PCBP3: variants seen among roughly 807,000 people sequenced by gnomAD.
The protein encoded by PCBP3 is poly(rC)-binding protein 3.
PCBP3 carries 25 observed loss-of-function variants against 52.7 expected under a neutral mutation model. The observed-to-expected ratio is 0.47, with a 90% CI of 0.35 to 0.66. PCBP3 has a LOEUF of 0.66. Ranked by LOEUF, PCBP3 falls within the 30% of genes least tolerant of loss-of-function variation. PCBP3 has a pLI of 0.01. For missense variants in PCBP3, 391 were observed against 490.3 expected, an observed-to-expected ratio of 0.80 and a Z score of 1.91; for synonymous variants, 162 against 183.0, an observed-to-expected ratio of 0.89 and a Z score of 0.93.
intron 5 of PCBP3, among the ~76,000 whole-genome samples, chr21:45,850,784 G>A (rs1347465333): frequency 3.3e-5 from 5 of 152,248 alleles, no homozygotes; most frequent in Non-Finnish European, 7.3e-5. Flanking sequence ...GTGTACAGGT[G>A]AAGTCTGTCT....
At chr21:45,691,539 TAAAC>T (rs1254241332) in intron 2 of PCBP3, among the ~76,000 whole-genome samples, 1 of 150,740 alleles carries the variant, frequency 6.6e-6, no homozygotes, top group African/African-American at 2.4e-5. Context: ...GTACATAAAT[TAAAC>T]AGAGAGAGGG....
chr21:45,809,418 T>C (rs1003382472), intron 4 of PCBP3, among the ~76,000 whole-genome samples: 1 of 152,120 alleles, frequency 6.6e-6, no homozygotes, highest in Non-Finnish European at 1.5e-5. Context: ...AAAGGTGATG[T>C]AGGGCTGAGG....
At chr21:45,682,487 A>G (rs1028199882) in intron 2 of PCBP3, among the ~76,000 whole-genome samples, 1 of 152,222 alleles carries the variant, frequency 6.6e-6, no homozygotes. Context: ...AACTGAAGCA[A>G]GAAGACCTAT....
In PCBP3 at chr21:45,784,420, C is replaced by CCCTACCT. The variant is rs537648185; in HGVS notation, c.-126+29019_-126+29025dup. Among the ~76,000 whole-genome samples the CCCTACCT allele has an allele frequency of 4.5e-3, 558 of 125,220 alleles. 18 individuals are homozygous for CCCTACCT. The East Asian group carries it at 0.059, about 13-fold the overall frequency. The allele number at this position is 125,220 out of a possible 152,430, so 82.1% of individuals were successfully genotyped here. Reference sequence around the variant, plus strand: ...CCGCTACCTCTACCGCTACCGCTACCCCTACCTCCTACCTCCTACCTCCTA... The same window carrying CCCTACCT: ...CCGCTACCTCTACCGCTACCGCTACCCCTACCTCCTACCTCCTACCTCCTACCTCCTA... On this transcript the variant is annotated intron_variant, in intron 4 of 17. Coordinates refer to ENST00000681687, the MANE Select transcript of PCBP3 (RefSeq NM_001384156.1).
At chr21:45,851,051 G>A (rs1047255438) in intron 5 of PCBP3, among the ~76,000 whole-genome samples, 1 of 152,130 alleles carries the variant, frequency 6.6e-6, no homozygotes, top group African/African-American at 2.4e-5. Context: ...CTATAAACAC[G>A]TGTTAAGAAA....
At chr21:45,797,413 G>A (rs75220016) in intron 4 of PCBP3, among the ~76,000 whole-genome samples, 2 of 65,206 alleles carry the variant, frequency 3.1e-5, no homozygotes, top group Admixed American at 1.6e-4. Context: ...TGTAGAGAGA[G>A]TGAATGCGTG....
In PCBP3 at chr21:45,853,626, C is replaced by T. The variant is rs937521432; in HGVS notation, c.10+3531C>T. ...GTTCCTGTCATGGCTGAAGTGTTTGCATTTGATTTAGTTCTAGGAAGACCT... is the reference window on the plus strand; with the variant it reads ...GTTCCTGTCATGGCTGAAGTGTTTGTATTTGATTTAGTTCTAGGAAGACCT... On this transcript the variant is annotated intron_variant, in intron 5 of 17. Transcript: ENST00000681687. This position sits in a 1 kb window ranked among gnomAD's most constrained non-coding sequence, Gnocchi z 4.6. Among the ~76,000 whole-genome samples, 7 of 152,282 alleles carry T rather than the reference C, an allele frequency of 4.6e-5. No homozygotes were observed. Among genetic ancestry groups the T allele is most frequent in the African/African-American group, 1.7e-4 (7 of 41,570 alleles).
chr21:45,724,922 A>G lies in PCBP3; in HGVS notation c.-199-10470A>G, dbSNP rs1424540143. 6.6e-6 allele frequency among the ~76,000 whole-genome samples: 1 copy of G among 152,230 alleles called. No individual in the cohort carries two copies. Among genetic ancestry groups the G allele is most frequent in the Non-Finnish European group, 1.5e-5 (1 of 68,044 alleles). ...CTACAGTATTCCATGAACTTCCTCT[A>G]TAACTTAAATGATGAAAGTTACAGA... On this transcript the variant is annotated intron_variant, in intron 2 of 17. Coordinates refer to ENST00000681687, the MANE Select transcript of PCBP3 (RefSeq NM_001384156.1). The surrounding 1 kb of genome is among the most constrained non-coding windows in gnomAD (Gnocchi z 5.3).
At chr21:45,811,994 A>G (rs1380730515) in intron 4 of PCBP3, among the ~76,000 whole-genome samples, 1 of 151,610 alleles carries the variant, frequency 6.6e-6, no homozygotes, top group South Asian at 2.1e-4. Context: ...TTTCCTCTTT[A>G]TCTTTTAGCT....
chr21:45,896,752 A>G (rs35177139), intron 6 of PCBP3, among the ~76,000 whole-genome samples: 179 of 128,880 alleles, frequency 1.4e-3, no homozygotes, highest in Middle Eastern at 4.7e-3. Context: ...TAGGAAAGGC[A>G]GACATGGCAC....
chr21:45,794,763 A>G (rs2091829099), intron 4 of PCBP3, among the ~76,000 whole-genome samples: 1 of 152,090 alleles, frequency 6.6e-6, no homozygotes, highest in African/African-American at 2.4e-5. Flanking sequence ...CCCCATCTCT[A>G]CTAAAAATAC....
chr21:45,673,805 C>A (rs2081311098), intron 2 of PCBP3: 1 of 152,146 alleles, frequency 6.6e-6, no homozygotes, highest in Non-Finnish European at 1.5e-5. Context: ...GGTACCCAAA[C>A]CAGCCTTGGA....
intron 5 of PCBP3, chr21:45,893,679 C>A: frequency 2.3e-6 from 2 of 874,876 alleles, no homozygotes; most frequent in Non-Finnish European, 2.7e-6. Context: ...CTCCCTGTCC[C>A]ATTGCATGGG....
At chr21:45,705,663 G>A (rs1336251158) in intron 2 of PCBP3, among the ~76,000 whole-genome samples, 1 of 152,206 alleles carries the variant, frequency 6.6e-6, no homozygotes, top group East Asian at 1.9e-4. Flanking sequence ...TCAGGGATCC[G>A]TGGATGTTTT....
intron 3 of PCBP3, among the ~76,000 whole-genome samples, chr21:45,752,654 T>C (rs1725081150): frequency 6.6e-6 from 1 of 151,924 alleles, no homozygotes; most frequent in Admixed American, 6.6e-5. Context: ...ATTTTAAGTA[T>C]TTTAGTTTCT....
chr21:45,663,366 G>T lies in PCBP3; in HGVS notation c.-278-5508G>T, dbSNP rs141202321. On this transcript the variant is annotated intron_variant, in intron 1 of 17. Transcript: ENST00000681687. Reference sequence around the variant, plus strand: ...TGTCCGCGTCTTGGTGGTAGTGGTCGCCCGGGCCCAGCTGTTTTTTCTTTT... The same window carrying T: ...TGTCCGCGTCTTGGTGGTAGTGGTCTCCCGGGCCCAGCTGTTTTTTCTTTT... Among the ~76,000 whole-genome samples, 288 of 152,116 alleles carry T rather than the reference G, an allele frequency of 1.9e-3. 2 individuals carry two copies. The highest frequency in any genetic ancestry group is 6.6e-3 in the African/African-American group (274 of 41,508).
intron 5 of PCBP3, among the ~76,000 whole-genome samples, chr21:45,860,636 A>G (rs1245138956): frequency 6.6e-6 from 1 of 152,226 alleles, no homozygotes; most frequent in Non-Finnish European, 1.5e-5. Context: ...AGCCCACCTG[A>G]AAGAGCCTCT....
chr21:45,685,228 T>C lies in PCBP3; in HGVS notation c.-200+16276T>C, dbSNP rs532441912. Among the ~76,000 whole-genome samples the C allele has an allele frequency of 5.3e-5, 8 of 152,036 alleles. No individual in the cohort carries two copies. In the East Asian group the frequency reaches 1.2e-3, roughly 22 times the overall value. Reference sequence around the variant, plus strand: ...GACAGAAAATAACATGGGGAATGGGTTTTAAAGGTTGTGGGGAAGGGAAAA... The same window carrying C: ...GACAGAAAATAACATGGGGAATGGGCTTTAAAGGTTGTGGGGAAGGGAAAA... On this transcript the variant is annotated intron_variant, in intron 2 of 17. Transcript: ENST00000681687.
At chr21:45,848,975 C>T (rs1489674408) in intron 4 of PCBP3, among the ~76,000 whole-genome samples, 1 of 152,160 alleles carries the variant, frequency 6.6e-6, no homozygotes, top group Non-Finnish European at 1.5e-5. Context: ...ATGGACATGC[C>T]AAGGGACACA....
Sources: gnomAD v4.1 joint callset for allele counts (sites outside exome capture counted in the v4.1 genomes callset) on GRCh38, gnomAD v4.1.1 for gene constraint, Gnocchi (gnomAD v3.1) non-coding constraint, MANE v1.5 for transcripts, NCBI Gene and HGNC (gene_info 2026-07-23, HGNC 2026-07-21) for gene names.